The following SYNE2 variants were observed in gnomAD, a reference collection of about 807,000 sequenced individuals.
SYNE2 encodes nesprin-2.
In SYNE2, 431 loss-of-function variants were observed where a neutral mutation model predicts 856.3. The ratio of observed to expected loss-of-function variants is 0.50; its 90% CI spans 0.47 to 0.55. The LOEUF is 0.55. Ranked by LOEUF, SYNE2 falls within the 20% of genes least tolerant of loss-of-function variation. The pLI is 0.00. For missense variants in SYNE2, 8,129 were observed against 8,023.2 expected (o/e 1.01, Z -0.50); for synonymous variants, 2,923 against 2,872.3 (o/e 1.02, Z -0.56).
chr14:64,035,452 C>T (rs978167387), intron 45 of SYNE2, among the ~76,000 whole-genome samples: 4 of 150,888 alleles, frequency 2.7e-5, no homozygotes, highest in African/African-American at 9.8e-5. Context: ...TTGCATCTTA[C>T]TGTAGAGGTA....
intron 103 of SYNE2, among the ~76,000 whole-genome samples, chr14:64,210,925 C>T (rs1388899956): frequency 6.6e-6 from 1 of 152,016 alleles, no homozygotes; most frequent in Non-Finnish European, 1.5e-5. Context: ...CTTTCTGTCT[C>T]TCTCTCCCTT....
intron 6 of SYNE2, among the ~76,000 whole-genome samples, chr14:63,945,307 C>G (rs1446483997): frequency 6.6e-6 from 1 of 152,188 alleles, no homozygotes; most frequent in African/African-American, 2.4e-5. Context: ...GTCCTTCTCC[C>G]AATCACTGCC....
intron 9 of SYNE2, among the ~76,000 whole-genome samples, chr14:63,962,820 C>T (rs1055219505): frequency 3.9e-5 from 6 of 152,214 alleles, no homozygotes; most frequent in Admixed American, 2.0e-4. Flanking sequence ...GGATTATAGG[C>T]GAGCCACTGT....
Position 63,805,775 on chromosome 14 carries a change from T to C in SYNE2, c.-305+43789T>C, listed in dbSNP as rs921250166. Among the ~76,000 whole-genome samples, 2 of 152,364 alleles carry C rather than the reference T, an allele frequency of 1.3e-5. 1 individual carries two copies. The highest frequency in any genetic ancestry group is 6.8e-3 in the Middle Eastern group (2 of 294). The stretch of plus-strand genomic sequence containing the variant: ...TGGGATTGCATTATTGATTTGGCTC[T>C]CAGCTTGGACGTTGTTTGTATATAG... On this transcript the variant is annotated intron_variant, in intron 1 of 23. Transcript: ENST00000674003.
intron 2 of SYNE2, among the ~76,000 whole-genome samples, chr14:63,924,834 GTTTTTTTTTTTT>G (rs1160819887): frequency 1.9e-4 from 11 of 56,456 alleles, no homozygotes; most frequent in East Asian, 1.3e-3. Context: ...CAGCCTTGGT[GTTTTTTTTTTTT>G]TTTTTTTTTT....
chr14:64,183,094 G>A (rs1259455230), intron 96 of SYNE2, among the ~76,000 whole-genome samples: 1 of 148,416 alleles, frequency 6.7e-6, no homozygotes, highest in Non-Finnish European at 1.5e-5. Context: ...CGGCTGCCGG[G>A]CGGAGGGGCT....
chr14:63,949,430 A>T lies in SYNE2; in HGVS notation c.409-395A>T, dbSNP rs1411054723. ...TTTGACTATCTTTTTTTCTATGTGT[A>T]CATTTGTTCATAATGGATGCATTTC... On this transcript the variant is annotated intron_variant, in intron 6 of 115. Transcript: ENST00000555002. 3.3e-5 allele frequency among the ~76,000 whole-genome samples: 5 copies of T among 152,182 alleles called. No individual in the cohort carries two copies. The East Asian group carries it at 7.7e-4, about 23-fold the overall frequency.
intron 1 of SYNE2, among the ~76,000 whole-genome samples, chr14:63,872,755 C>G (rs543789296): frequency 9.0e-5 from 10 of 111,498 alleles, no homozygotes; most frequent in African/African-American, 2.7e-4. Flanking sequence ...GAGTGAGACT[C>G]TGCCTCAAAA....
Position 64,089,280 on chromosome 14 carries a change from C to G in SYNE2, c.11671-294C>G, listed in dbSNP as rs1417361726. Among the ~76,000 whole-genome samples, 3 of 142,422 alleles carry G rather than the reference C, an allele frequency of 2.1e-5. No homozygotes were observed. The East Asian group carries it at 6.6e-4, about 31-fold the overall frequency. The allele number at this position is 142,422 out of a possible 152,430, so 93.4% of individuals were successfully genotyped here. On this transcript the variant is annotated intron_variant, in intron 58 of 115. Transcript: ENST00000555002. ...ATTCAGGAGGCTGAGGCAGGAGAAT[C>G]GCTTGAACCTGGGAGGCGGAGGTTA...
chr14:64,053,766 C>A, intron 48 of SYNE2, 109 bp downstream of exon 48: 1 of 1,067,458 alleles, frequency 9.4e-7, no homozygotes, highest in Non-Finnish European at 1.3e-6. Flanking sequence ...CAAGTAGAGA[C>A]CAGCCTGGCC....
At chr14:63,871,532 C>T in intron 1 of SYNE2, among the ~76,000 whole-genome samples, 1 of 150,864 alleles carries the variant, frequency 6.6e-6, no homozygotes, top group Non-Finnish European at 1.5e-5. Flanking sequence ...TAAAAAAATT[C>T]CACTAGAACA....
intron 49 of SYNE2, among the ~76,000 whole-genome samples, chr14:64,059,601 T>C (rs184963620): frequency 2.6e-5 from 4 of 152,200 alleles, no homozygotes; most frequent in Non-Finnish European, 2.9e-5. Flanking sequence ...CTACAGAGAG[T>C]GTACTGAATC....
intron 1 of SYNE2, among the ~76,000 whole-genome samples, chr14:63,894,737 T>C (rs2095215703): frequency 6.6e-6 from 1 of 152,242 alleles, no homozygotes; most frequent in South Asian, 2.1e-4. Context: ...AATATATTTT[T>C]ATTATGAATA....
chr14:63,876,012 C>T (rs568778017), intron 1 of SYNE2, among the ~76,000 whole-genome samples: 72 of 151,642 alleles, frequency 4.7e-4, no homozygotes, highest in Middle Eastern at 3.4e-3. Flanking sequence ...CTAGGGAGGT[C>T]TGTGGACCAG....
Position 64,065,631 on chromosome 14 carries a change from G to C in SYNE2, c.10412G>C (p.Trp3471Ser). Reference protein sequence around the residue: ...EMWCEELKQEWKFVSEEIERE... With the variant: ...EMWCEELKQESKFVSEEIERE... ...TGGTGCGAAGAACTGAAGCAGGAAT[G>C]GAAATTTGTCAGTGAAGAAGTGAGT... The change falls in exon 51 of 116, where the codon TGG becomes TCG. Residue 3471 changes from tryptophan (W) to serine (S), a missense_variant. Around this residue, in one of 3 missense-constraint regions of SYNE2, gnomAD observed 5,410 missense variants for 5,284.8 expected, o/e 1.02. Coordinates refer to ENST00000555002, the MANE Select transcript of SYNE2 (RefSeq NM_182914.3). 6.2e-7 allele frequency: 1 copy of C among 1,614,130 alleles called. No individual in the cohort carries two copies. Among genetic ancestry groups the C allele is most frequent in the Non-Finnish European group, 8.5e-7 (1 of 1,180,028 alleles).
intron 1 of SYNE2, among the ~76,000 whole-genome samples, chr14:63,791,600 T>C (rs1887733123): frequency 6.6e-6 from 1 of 152,196 alleles, no homozygotes; most frequent in Non-Finnish European, 1.5e-5. Flanking sequence ...GTAACTGTGA[T>C]AAAGAAGCAT....
chr14:64,022,903 A>G lies in SYNE2; in HGVS notation c.5637+40A>G, dbSNP rs764646340. The G allele has an allele frequency of 1.2e-5, 12 of 1,039,700 alleles. No homozygotes were observed. The South Asian group carries it at 1.6e-4, about 14-fold the overall frequency. The allele number at this position is 1,039,700 out of a possible 1,614,324, so 64.4% of individuals were successfully genotyped here. A position where few individuals can be genotyped will look rare whatever the true frequency, so the allele number is the denominator to read the frequency against. On this transcript the variant is annotated intron_variant, in intron 38 of 115. Transcript: ENST00000555002. ...TGTATTTTTAATAAAAATTTTCAAT[A>G]CTAAAATACTGGAGGCATAGAACTG...
chr14:63,807,753 C>G (rs1888419289), intron 1 of SYNE2, among the ~76,000 whole-genome samples: 1 of 137,332 alleles, frequency 7.3e-6, no homozygotes, highest in African/African-American at 2.7e-5. Flanking sequence ...CTCCTGGGCT[C>G]AATGGATCCA....
Position 63,765,352 on chromosome 14 carries a change from G to GT in SYNE2, c.-305+3372dup, listed in dbSNP as rs539300521. ...ATTCATACTCATATGCGATAGACTT[G>GT]TTTTTTGTTTTTTGTTTTGAGATGG... is the stretch of plus-strand genomic sequence containing the variant. On this transcript the variant is annotated intron_variant, in intron 1 of 23. Coordinates refer to the SYNE2 transcript ENST00000674003. Among the ~76,000 whole-genome samples the GT allele has an allele frequency of 5.4e-4, 82 of 151,954 alleles. No homozygotes were observed. In the South Asian group the frequency reaches 0.012, roughly 22 times the overall value.
Sources: gnomAD v4.1 joint callset for allele counts (sites outside exome capture counted in the v4.1 genomes callset) on GRCh38, gnomAD v4.1.1 for gene constraint, gnomAD v4.1.1 regional missense constraint, MANE v1.5 for transcripts, NCBI Gene and HGNC (gene_info 2026-07-23, HGNC 2026-07-21) for gene names.